The following NCK2 variants were observed in gnomAD, a reference collection of about 807,000 sequenced individuals.
The protein encoded by NCK2 is NCK adaptor protein 2, also known as cytoplasmic protein NCK2.
Under a neutral mutation model 33.9 loss-of-function variants are expected in NCK2, and 16 were observed. That is an observed-to-expected ratio of 0.47 (90% CI 0.32 to 0.72). The LOEUF is 0.72. NCK2 is among the 30% of genes least tolerant of loss of function. NCK2 has a pLI of 0.03. For synonymous variants in NCK2, 273 were observed against 239.9 expected, an observed-to-expected ratio of 1.14 and a Z score of -1.27; for missense variants, 418 against 537.3, an observed-to-expected ratio of 0.78 and a Z score of 2.19.
intron 2 of NCK2, among the ~76,000 whole-genome samples, chr2:105,818,871 G>A (rs1377694815): frequency 6.6e-6 from 1 of 152,106 alleles, no homozygotes; most frequent in Non-Finnish European, 1.5e-5. Flanking sequence ...TTGTGAATAT[G>A]TTCTTTCTCT....
At chr2:105,891,552 T>C (rs1678979740) in intron 4 of NCK2, among the ~76,000 whole-genome samples, 1 of 12,198 alleles carries the variant, frequency 8.2e-5, no homozygotes, top group Non-Finnish European at 1.3e-4. Flanking sequence ...TTTTTTTTTT[T>C]TTTTTTTTTT....
chr2:105,807,046 C>T (rs1254314937), intron 1 of NCK2, among the ~76,000 whole-genome samples: 1 of 152,162 alleles, frequency 6.6e-6, no homozygotes, highest in Non-Finnish European at 1.5e-5. Context: ...TTTCAAATGA[C>T]CCGTGATGTA....
chr2:105,752,554 T>G (rs898481421), intron 1 of NCK2, among the ~76,000 whole-genome samples: 2 of 152,198 alleles, frequency 1.3e-5, no homozygotes, highest in African/African-American at 4.8e-5. Flanking sequence ...AAAAACAACA[T>G]TGTATACAGT....
chr2:105,858,556 A>T (rs1467332134), intron 3 of NCK2, among the ~76,000 whole-genome samples: 1 of 152,190 alleles, frequency 6.6e-6, no homozygotes, highest in Non-Finnish European at 1.5e-5. Flanking sequence ...TCATAAATCC[A>T]TGGTAAGATT....
chr2:105,869,747 T>TA (rs1677920842), intron 3 of NCK2, among the ~76,000 whole-genome samples: 1 of 152,210 alleles, frequency 6.6e-6, no homozygotes, highest in Non-Finnish European at 1.5e-5. Context: ...TTTTGCATAT[T>TA]CAAAAACGCT....
chr2:105,832,919 A>G lies in NCK2; in HGVS notation c.-17+16306A>G, dbSNP rs566085246. ...TGTTTTTTGGAATAGTTTGAAAAGA[A>G]TTGGTGTTAGTTTGTCTTTATAAGT... On this transcript the variant is annotated intron_variant, in intron 2 of 4. Coordinates refer to ENST00000233154, the MANE Select transcript of NCK2 (RefSeq NM_003581.5). Among the ~76,000 whole-genome samples, 5 of 149,196 alleles carry G rather than the reference A, an allele frequency of 3.4e-5. No homozygotes were observed. In the East Asian group the frequency reaches 9.8e-4, roughly 29 times the overall value.
chr2:105,815,333 T>A (rs1675441179), intron 1 of NCK2, among the ~76,000 whole-genome samples: 2 of 151,050 alleles, frequency 1.3e-5, no homozygotes, highest in South Asian at 4.1e-4. Flanking sequence ...TAGCCCTATT[T>A]GAATTATCTT....
chr2:105,868,822 G>A (rs769704337), intron 3 of NCK2, among the ~76,000 whole-genome samples: 3 of 152,216 alleles, frequency 2.0e-5, no homozygotes, highest in Non-Finnish European at 2.9e-5. Context: ...CTGGCTCAGC[G>A]CTTTTCTATG....
At chr2:105,810,657 A>G (rs535601636) in intron 1 of NCK2, among the ~76,000 whole-genome samples, 1 of 152,350 alleles carries the variant, frequency 6.6e-6, no homozygotes, top group African/African-American at 2.4e-5. Flanking sequence ...TATGTTGATT[A>G]CAAAGACAAG....
chr2:105,798,003 A>C (rs192835263), intron 1 of NCK2, among the ~76,000 whole-genome samples: 43 of 152,302 alleles, frequency 2.8e-4, no homozygotes, highest in East Asian at 2.5e-3. Context: ...TTCATTTCCT[A>C]GGAGAAGAAA....
At chr2:105,840,390 GA>G (rs1245792287) in intron 2 of NCK2, among the ~76,000 whole-genome samples, 1 of 152,116 alleles carries the variant, frequency 6.6e-6, no homozygotes, top group African/African-American at 2.4e-5. Context: ...GAGGGCAAGT[GA>G]AAAAATATGC....
chr2:105,872,929 G>A (rs916023686), intron 3 of NCK2, among the ~76,000 whole-genome samples: 1 of 152,186 alleles, frequency 6.6e-6, no homozygotes, highest in Non-Finnish European at 1.5e-5. Context: ...TGCCCTTCCC[G>A]GAAGTGGACA....
rs552790447 is a variant in NCK2, at chr2:105,756,731, C to G, written c.-201+11593C>G. On this transcript the variant is annotated intron_variant, in intron 1 of 4. Transcript: ENST00000233154. Reference sequence around the variant, plus strand: ...ATGTTATTGAAGTCCCCTCGTCCCTCAAAACATTTGCCTTCACGCAGTGAC... The same window carrying G: ...ATGTTATTGAAGTCCCCTCGTCCCTGAAAACATTTGCCTTCACGCAGTGAC... 1.8e-4 allele frequency among the ~76,000 whole-genome samples: 28 copies of G among 152,328 alleles called. 1 individual carries two copies. The South Asian group carries it at 5.2e-3, about 28-fold the overall frequency.
At chr2:105,848,855 G>A (rs947223595) in intron 2 of NCK2, among the ~76,000 whole-genome samples, 1 of 152,210 alleles carries the variant, frequency 6.6e-6, no homozygotes, top group Non-Finnish European at 1.5e-5. Context: ...AGTAGATTGT[G>A]TTATTTGAAT....
At chr2:105,890,058 C>T (rs1678908859) in intron 4 of NCK2, among the ~76,000 whole-genome samples, 1 of 152,190 alleles carries the variant, frequency 6.6e-6, no homozygotes, top group South Asian at 2.1e-4. Flanking sequence ...AGATTTCCTA[C>T]AGAAAATCTA....
chr2:105,821,443 C>G (rs1486787461), intron 2 of NCK2, among the ~76,000 whole-genome samples: 2 of 152,166 alleles, frequency 1.3e-5, no homozygotes, highest in African/African-American at 4.8e-5. Flanking sequence ...CCTGGGTGAT[C>G]TGGGGGAACA....
intron 2 of NCK2, among the ~76,000 whole-genome samples, chr2:105,824,251 CT>C (rs1163369930): frequency 6.6e-6 from 1 of 152,238 alleles, no homozygotes; most frequent in African/African-American, 2.4e-5. Context: ...TAGAGTACTG[CT>C]TTCCACTTGG....
intron 3 of NCK2, among the ~76,000 whole-genome samples, chr2:105,861,199 A>ATTTTAGATTT (rs1677516225): frequency 6.6e-6 from 1 of 152,206 alleles, no homozygotes; most frequent in Non-Finnish European, 1.5e-5. Flanking sequence ...ATGGAGTCTG[A>ATTTTAGATTT]TTTTAGATTT....
At chr2:105,768,562 C>T (rs1318518862) in intron 1 of NCK2, among the ~76,000 whole-genome samples, 7 of 152,238 alleles carry the variant, frequency 4.6e-5, no homozygotes, top group Non-Finnish European at 1.0e-4. Context: ...AGGCACTTTG[C>T]TTATTGTTAG....
Sources: allele counts gnomAD v4.1 joint callset (sites outside exome capture counted in the v4.1 genomes callset), GRCh38; gene constraint gnomAD v4.1.1; transcripts MANE v1.5; gene names NCBI Gene and HGNC (gene_info 2026-07-23, HGNC 2026-07-21).